Variants in LCLAT1 observed in about 807,000 individuals in gnomAD.
LCLAT1 encodes the protein lysocardiolipin acyltransferase 1.
A neutral mutation model predicts 30.7 loss-of-function variants in LCLAT1; 11 were observed. The observed-to-expected ratio is 0.36, with a 90% CI of 0.23 to 0.59. LCLAT1 has a LOEUF of 0.59. Ranked by LOEUF, LCLAT1 falls within the 20% of genes least tolerant of loss-of-function variation. The probability of loss-of-function intolerance (pLI) is 0.77; values close to 1 mark genes in which losing one functional copy is unlikely to be tolerated. For missense variants in LCLAT1, 402 were observed against 458.6 expected (o/e 0.88, Z 1.13); for synonymous variants, 155 against 151.3 (o/e 1.02, Z -0.18).
chr2:30,545,391 T>C (rs561188813), intron 3 of LCLAT1, among the ~76,000 whole-genome samples: 1 of 152,278 alleles, frequency 6.6e-6, no homozygotes, highest in Admixed American at 6.5e-5. Context: ...ATGTTTAGAA[T>C]ATAATTATCT....
chr2:30,600,767 A>G (rs1240241034), intron 5 of LCLAT1, among the ~76,000 whole-genome samples: 2 of 151,900 alleles, frequency 1.3e-5, no homozygotes, highest in East Asian at 1.9e-4. Context: ...TTGGTCTATG[A>G]TGTACTTCTC....
chr2:30,502,059 T>G (rs554469084), intron 1 of LCLAT1, among the ~76,000 whole-genome samples: 29 of 152,200 alleles, frequency 1.9e-4, no homozygotes, highest in Non-Finnish European at 3.1e-4. Context: ...TTATACTAGT[T>G]GCACACAATT....
chr2:30,588,691 C>G (rs1666550569), intron 5 of LCLAT1, among the ~76,000 whole-genome samples: 2 of 152,156 alleles, frequency 1.3e-5, no homozygotes, highest in African/African-American at 4.8e-5. Context: ...ACCTCCGTCT[C>G]CCGGGTTCAA....
intron 3 of LCLAT1, among the ~76,000 whole-genome samples, chr2:30,559,529 G>A (rs1665093869): frequency 6.6e-6 from 1 of 152,092 alleles, no homozygotes; most frequent in South Asian, 2.1e-4. Flanking sequence ...TAATACACTT[G>A]TTTAATGGTT....
chr2:30,631,816 GC>G (rs1324082462), intron 5 of LCLAT1, among the ~76,000 whole-genome samples: 1 of 152,046 alleles, frequency 6.6e-6, no homozygotes, highest in African/African-American at 2.4e-5. Context: ...GGCACTTGGG[GC>G]TATTCATTTT....
chr2:30,603,736 A>G (rs549332815), intron 5 of LCLAT1, among the ~76,000 whole-genome samples: 1 of 152,212 alleles, frequency 6.6e-6, no homozygotes, highest in South Asian at 2.1e-4. Flanking sequence ...CAGCTGTGCA[A>G]CATGCATGTA....
At chr2:30,467,595 A>G (rs528703975) in intron 1 of LCLAT1, among the ~76,000 whole-genome samples, 1,648 of 152,274 alleles carry the variant, frequency 0.011, 27 homozygotes, top group African/African-American at 0.037. Context: ...CCTCTCCAGC[A>G]CCTGTTGTTT....
intron 5 of LCLAT1, among the ~76,000 whole-genome samples, chr2:30,588,816 T>C (rs1419960416): frequency 6.6e-6 from 1 of 152,122 alleles, no homozygotes; most frequent in Non-Finnish European, 1.5e-5. Flanking sequence ...GTCAGGCTGA[T>C]CTTGAACTCC....
chr2:30,586,922 C>T (rs76676958), intron 5 of LCLAT1, among the ~76,000 whole-genome samples: 1 of 152,358 alleles, frequency 6.6e-6, no homozygotes, highest in Non-Finnish European at 1.5e-5. Context: ...TTCTACACTA[C>T]ATCTTTCTTT....
chr2:30,521,208 G>A (rs1470646114), intron 1 of LCLAT1, among the ~76,000 whole-genome samples: 3 of 152,262 alleles, frequency 2.0e-5, no homozygotes, highest in Admixed American at 6.5e-5. Flanking sequence ...TCTAAAAAGG[G>A]AATGCATGAA....
chr2:30,637,496 G>A (rs928564295), intron 5 of LCLAT1, among the ~76,000 whole-genome samples: 2 of 152,248 alleles, frequency 1.3e-5, no homozygotes, highest in South Asian at 2.1e-4. Flanking sequence ...AGTGGTCAGC[G>A]CCAGCCCTTT....
intron 1 of LCLAT1, among the ~76,000 whole-genome samples, chr2:30,464,145 G>C (rs1195701985): frequency 2.0e-5 from 3 of 152,064 alleles, no homozygotes; most frequent in African/African-American, 7.2e-5. Flanking sequence ...TGTCAAATAT[G>C]AAAAAGTAAT....
In LCLAT1 at chr2:30,615,669, CAA is replaced by C. The variant is rs146086615; in HGVS notation, c.629-24444_629-24443del. Among the ~76,000 whole-genome samples, 1,008 of 152,132 alleles carry C rather than the reference CAA, an allele frequency of 6.6e-3. 11 individuals are homozygous for C. The highest frequency in any genetic ancestry group is 0.023 in the African/African-American group (958 of 41,512). The stretch of plus-strand genomic sequence containing the variant: ...CTGGGAGAAAAGAGACACCACATAT[CAA>C]AAAGTCTTTCTCCATAAGACTTATG... On this transcript the variant is annotated intron_variant, in intron 5 of 5. Transcript: ENST00000379509.
chr2:30,585,980 G>A (rs997484689), intron 5 of LCLAT1, among the ~76,000 whole-genome samples: 1 of 151,922 alleles, frequency 6.6e-6, no homozygotes, highest in South Asian at 2.1e-4. Flanking sequence ...GGCCGGGCGT[G>A]GTGGCTCACG....
chr2:30,534,577 CTGTT>C (rs1470133609), intron 3 of LCLAT1, among the ~76,000 whole-genome samples: 3 of 152,152 alleles, frequency 2.0e-5, no homozygotes, highest in Non-Finnish European at 4.4e-5. Flanking sequence ...GCCCGGCCAA[CTGTT>C]TGTGTTTTAA....
chr2:30,640,448 T>A lies in LCLAT1; in HGVS notation c.960T>A (p.Pro320=). The A allele has an allele frequency of 6.2e-7, 1 of 1,614,218 alleles. No homozygotes were observed. Among genetic ancestry groups the A allele is most frequent in the Non-Finnish European group, 8.5e-7 (1 of 1,180,018 alleles). ...LSILYWTLFS[P]AMCLLIYLYS... ...TACTGTATTGGACCCTGTTCAGCCC[T>A]GCAATGTGCCTACTCATATATTTGT... The change falls in exon 6 of 6, where the codon CCT becomes CCA. Residue 320 remains proline (P), a synonymous_variant. Transcript: ENST00000379509.
At chr2:30,638,876 CTT>C (rs1312707720) in intron 5 of LCLAT1, among the ~76,000 whole-genome samples, 1 of 97,734 alleles carries the variant, frequency 1.0e-5, no homozygotes, top group Non-Finnish European at 2.6e-5. Flanking sequence ...TTCCTTGTAA[CTT>C]TTTTGGACAT....
At chr2:30,553,852 A>G (rs1352175710) in intron 3 of LCLAT1, among the ~76,000 whole-genome samples, 2 of 152,236 alleles carry the variant, frequency 1.3e-5, no homozygotes, top group Admixed American at 6.5e-5. Flanking sequence ...ATATATGCTG[A>G]TTTTAAAGAT....
chr2:30,474,833 G>A (rs1020377249), intron 1 of LCLAT1, among the ~76,000 whole-genome samples: 2 of 151,554 alleles, frequency 1.3e-5, no homozygotes, highest in African/African-American at 2.4e-5. Flanking sequence ...AAAATTTTTT[G>A]TAGAGATGAG....
Sources: gnomAD v4.1 joint callset for allele counts (sites outside exome capture counted in the v4.1 genomes callset) on GRCh38, gnomAD v4.1.1 for gene constraint, MANE v1.5 for transcripts, NCBI Gene and HGNC (gene_info 2026-07-23, HGNC 2026-07-21) for gene names.